CDH10: variants seen among roughly 807,000 people sequenced by gnomAD.
CDH10 encodes cadherin-10.
Under a neutral mutation model 73.1 loss-of-function variants are expected in CDH10, and 30 were observed. That is an observed-to-expected ratio of 0.41 (90% CI 0.31 to 0.56). The LOEUF (loss-of-function observed/expected upper bound fraction) is 0.56. Among genes scored for constraint, CDH10 ranks in the 20% least tolerant of loss-of-function variants. CDH10 has a pLI of 0.27. For synonymous variants in CDH10, 345 were observed against 348.2 expected (o/e 0.99, Z 0.10); for missense variants, 815 against 973.7 (o/e 0.84, Z 2.17).
chr5:24,589,052 G>T (rs1561183080), intron 2 of CDH10, among the ~76,000 whole-genome samples: 1 of 152,046 alleles, frequency 6.6e-6, no homozygotes, highest in Admixed American at 6.6e-5. Context: ...CCCATAACTT[G>T]CTGTTATTCT....
chr5:24,600,228 T>C (rs1579459351), intron 1 of CDH10, among the ~76,000 whole-genome samples: 1 of 152,336 alleles, frequency 6.6e-6, no homozygotes, highest in East Asian at 1.9e-4. Context: ...ATTAGTTGTG[T>C]AAATCCTTCA....
chr5:24,600,067 T>G (rs978037189), intron 1 of CDH10, among the ~76,000 whole-genome samples: 1 of 152,182 alleles, frequency 6.6e-6, no homozygotes, highest in Non-Finnish European at 1.5e-5. Context: ...TTTTTTCAAA[T>G]GCCTGACTCA....
At chr5:24,555,168 C>T (rs937492774) in intron 2 of CDH10, among the ~76,000 whole-genome samples, 5 of 151,856 alleles carry the variant, frequency 3.3e-5, no homozygotes, top group African/African-American at 7.3e-5. Flanking sequence ...TTCTTGGTTC[C>T]CCAGAGAGTG....
At chr5:24,629,417 G>T (rs544052931) in intron 1 of CDH10, among the ~76,000 whole-genome samples, 1 of 152,044 alleles carries the variant, frequency 6.6e-6, no homozygotes, top group South Asian at 2.1e-4. Flanking sequence ...TATATTAAGT[G>T]AAAAGGATAA....
chr5:24,554,447 T>C (rs1744684624), intron 2 of CDH10, among the ~76,000 whole-genome samples: 1 of 151,528 alleles, frequency 6.6e-6, no homozygotes, highest in Admixed American at 6.6e-5. Flanking sequence ...ATTCTCTAAC[T>C]TTTCAAGTTG....
At chr5:24,540,479 A>T (rs1249505577) in intron 2 of CDH10, among the ~76,000 whole-genome samples, 1 of 151,966 alleles carries the variant, frequency 6.6e-6, no homozygotes. Flanking sequence ...AGTGAAAATT[A>T]AATCTTATAA....
chr5:24,611,935 T>C (rs1029872126), intron 1 of CDH10: 3 of 152,120 alleles, frequency 2.0e-5, no homozygotes, highest in African/African-American at 4.8e-5. Flanking sequence ...CAACGACCCA[T>C]AGAAACAGGA....
chr5:24,542,842 C>A (rs970003713), intron 2 of CDH10, among the ~76,000 whole-genome samples: 2 of 152,090 alleles, frequency 1.3e-5, no homozygotes, highest in Non-Finnish European at 2.9e-5. Flanking sequence ...CTTGCTGGAG[C>A]ACTAATGCTA....
intron 11 of CDH10, among the ~76,000 whole-genome samples, chr5:24,489,781 G>A (rs922815333): frequency 6.6e-6 from 1 of 152,002 alleles, no homozygotes; most frequent in African/African-American, 2.4e-5. Flanking sequence ...ATCATTGTTT[G>A]GGGGGAAAGT....
intron 1 of CDH10, among the ~76,000 whole-genome samples, chr5:24,603,528 C>G (rs911863162): frequency 3.9e-5 from 6 of 152,090 alleles, no homozygotes; most frequent in Non-Finnish European, 8.8e-5. Context: ...CATTCAAATG[C>G]CAATCATTGT....
At chr5:24,500,289 G>A (rs1448705046) in intron 8 of CDH10, among the ~76,000 whole-genome samples, 1 of 152,076 alleles carries the variant, frequency 6.6e-6, no homozygotes, top group East Asian at 1.9e-4. Context: ...TGCTTAGCAG[G>A]GATATATTTA....
At chr5:24,575,355 C>CAAAAAAAAAAAAAAA (rs751333761) in intron 2 of CDH10, among the ~76,000 whole-genome samples, 3 of 123,818 alleles carry the variant, frequency 2.4e-5, no homozygotes, top group South Asian at 2.4e-4. Flanking sequence ...ACAAAAACAA[C>CAAAAAAAAAAAAAAA]AAAAAAAAAA....
chr5:24,631,534 T>C (rs946400263), intron 1 of CDH10, among the ~76,000 whole-genome samples: 1 of 152,036 alleles, frequency 6.6e-6, no homozygotes, highest in African/African-American at 2.4e-5. Flanking sequence ...CCATGCCTCC[T>C]GGCTCATCAG....
intron 2 of CDH10, among the ~76,000 whole-genome samples, chr5:24,586,840 A>ATTTTTTTTTT (rs1746023448): frequency 9.9e-6 from 1 of 100,606 alleles, no homozygotes; most frequent in African/African-American, 5.2e-5. Flanking sequence ...GATAGCCCAT[A>ATTTTTTTTTT]TTCTTTTTTT....
intron 1 of CDH10, among the ~76,000 whole-genome samples, chr5:24,636,450 T>C (rs192658623): frequency 7.9e-5 from 12 of 152,096 alleles, no homozygotes; most frequent in Admixed American, 7.9e-4. Context: ...CTATTAAACA[T>C]GACCTTCCTC....
intron 5 of CDH10, among the ~76,000 whole-genome samples, chr5:24,526,625 C>G (rs148652268): frequency 6.6e-6 from 1 of 151,904 alleles, no homozygotes; most frequent in East Asian, 1.9e-4. Flanking sequence ...ACCCTCAAAC[C>G]TTTTATCGAC....
intron 9 of CDH10, among the ~76,000 whole-genome samples, chr5:24,493,347 A>C (rs1036845763): frequency 5.3e-5 from 8 of 152,102 alleles, no homozygotes; most frequent in African/African-American, 1.9e-4. Flanking sequence ...TTTTATAGGT[A>C]ATGTTATATA....
intron 2 of CDH10, among the ~76,000 whole-genome samples, chr5:24,555,181 G>A (rs893569396): frequency 6.6e-6 from 1 of 152,088 alleles, no homozygotes; most frequent in Non-Finnish European, 1.5e-5. Context: ...AGAGAGTGAT[G>A]CTCTATTTAC....
At chr5:24,535,413 G>A in intron 4 of CDH10, 134 bp from the exon 5 acceptor site, 1 of 846,702 alleles carries the variant, frequency 1.2e-6, no homozygotes, top group Non-Finnish European at 1.8e-6. Flanking sequence ...TTATTGTCTA[G>A]AAATTATAAA....
Sources: allele counts gnomAD v4.1 joint callset (sites outside exome capture counted in the v4.1 genomes callset), GRCh38; gene constraint gnomAD v4.1.1; transcripts MANE v1.5; gene names NCBI Gene and HGNC (gene_info 2026-07-23, HGNC 2026-07-21).